KCNU1: variants seen among roughly 807,000 people sequenced by gnomAD.
KCNU1 encodes potassium calcium-activated channel subfamily U member 1.
A neutral mutation model predicts 126.8 loss-of-function variants in KCNU1; 93 were observed. The ratio of observed to expected loss-of-function variants is 0.73; its 90% CI spans 0.62 to 0.87. The LOEUF is 0.87. KCNU1 is among the 40% of genes least tolerant of loss of function. The pLI is 0.00. For missense variants in KCNU1, 1,330 were observed against 1,367.1 expected (o/e 0.97, Z 0.43); for synonymous variants, 523 against 494.2 (o/e 1.06, Z -0.77).
chr8:36,846,530 A>G (rs757258946), intron 18 of KCNU1, among the ~76,000 whole-genome samples: 2 of 152,176 alleles, frequency 1.3e-5, no homozygotes, highest in African/African-American at 2.4e-5. Flanking sequence ...TCAGTCGGGC[A>G]CGGTGGCTCA....
chr8:36,935,930 T>C lies in KCNU1; in HGVS notation c.*10T>C. 2.6e-6 allele frequency: 4 copies of C among 1,541,646 alleles called. No individual in the cohort carries two copies. The highest frequency in any genetic ancestry group is 3.5e-6 in the Non-Finnish European group (4 of 1,145,570). Reference sequence around the variant, plus strand: ...TTCAGAGCCACTATAGACCTGCCCATATTCTTCACGTGCTCTTAACTTGCT... The same window carrying C: ...TTCAGAGCCACTATAGACCTGCCCACATTCTTCACGTGCTCTTAACTTGCT... On this transcript the variant is annotated 3_prime_UTR_variant, in exon 27 of 27. Coordinates refer to ENST00000399881, the MANE Select transcript of KCNU1 (RefSeq NM_001031836.3).
chr8:36,822,193 C>CT (rs1804154081), intron 10 of KCNU1, among the ~76,000 whole-genome samples: 1 of 151,780 alleles, frequency 6.6e-6, no homozygotes, highest in Non-Finnish European at 1.5e-5. Context: ...ATCTTGGAGC[C>CT]TTGAAATATA....
intron 18 of KCNU1, among the ~76,000 whole-genome samples, chr8:36,846,847 C>T (rs1023714546): frequency 6.7e-6 from 1 of 150,214 alleles, no homozygotes; most frequent in African/African-American, 2.4e-5. Flanking sequence ...ATGTGTAAAA[C>T]CCCAGTGTTT....
At chr8:36,843,260 A>G (rs1805021508) in intron 16 of KCNU1, among the ~76,000 whole-genome samples, 1 of 152,204 alleles carries the variant, frequency 6.6e-6, no homozygotes. Flanking sequence ...TACCTAACAC[A>G]CATGTACCTC....
chr8:36,888,909 C>G, intron 19 of KCNU1: 5 of 407,404 alleles, frequency 1.2e-5, no homozygotes, highest in South Asian at 9.9e-5. Flanking sequence ...GATAGGGTCT[C>G]GCTCTGTCAC....
At chr8:36,921,191 T>C (rs969283673) in intron 23 of KCNU1, among the ~76,000 whole-genome samples, 3 of 152,186 alleles carry the variant, frequency 2.0e-5, no homozygotes, top group African/African-American at 7.2e-5. Context: ...GCAGCCACAG[T>C]ATCCTCATTT....
Position 36,808,739 on chromosome 8 carries a change from A to C in KCNU1, c.678A>C (p.Lys226Asn). The change falls in exon 7 of 27, where the codon AAA (lysine) becomes AAC (asparagine). Residue 226 changes from lysine (K) to asparagine (N), a missense_variant. Physicochemically the swap from Lys to Asn is moderately conservative, Grantham distance 94. Transcript: ENST00000399881. ...CTAGTAACTCAGTGAAGTTTTCCAA[A>C]CTGCTGTCAATAATTCTCAGTACCT... Reference protein sequence around the residue: ...IKTSNSVKFSKLLSIILSTWF... With the variant: ...IKTSNSVKFSNLLSIILSTWF... The C allele has an allele frequency of 6.2e-7, 1 of 1,611,230 alleles. No individual in the cohort carries two copies. Among genetic ancestry groups the C allele is most frequent in the South Asian group, 1.1e-5 (1 of 90,450 alleles).
chr8:36,919,314 G>A (rs181826840), intron 23 of KCNU1, among the ~76,000 whole-genome samples: 2 of 151,984 alleles, frequency 1.3e-5, no homozygotes, highest in East Asian at 3.9e-4. Context: ...GGAGAGGCAT[G>A]TGGGGTACAG....
At chr8:36,864,544 G>A (rs1220213270) in intron 19 of KCNU1, 23 bp downstream of exon 19, 3 of 1,367,366 alleles carry the variant, frequency 2.2e-6, no homozygotes, top group Non-Finnish European at 3.1e-6. Context: ...GAGAACCCTG[G>A]TCTCCTATAG....
chr8:36,802,724 T>G (rs1460480915), intron 2 of KCNU1, among the ~76,000 whole-genome samples: 1 of 152,152 alleles, frequency 6.6e-6, no homozygotes, highest in Non-Finnish European at 1.5e-5. Context: ...CTCTTCCCCT[T>G]CCCCTGGCAT....
intron 2 of KCNU1, among the ~76,000 whole-genome samples, chr8:36,791,605 C>A (rs898601687): frequency 1.3e-5 from 2 of 152,112 alleles, no homozygotes; most frequent in Non-Finnish European, 2.9e-5. Flanking sequence ...CAACAGTTTT[C>A]AACCTTAGTA....
Position 36,804,064 on chromosome 8 carries a change from T to A in KCNU1, c.353T>A (p.Ile118Lys). 3.8e-6 allele frequency: 6 copies of A among 1,560,296 alleles called. No homozygotes were observed. The highest frequency in any genetic ancestry group is 5.2e-6 in the Non-Finnish European group (6 of 1,149,570). Residue 118 changes from isoleucine (I) to lysine (K), a missense_variant, in exon 3 of 27, where the codon ATA becomes AAA. By Grantham distance (102) the Ile-to-Lys change is moderately radical. Transcript: ENST00000399881. ...TTTGTACTAAGCATTGGGTCTCTTA[T>A]AATCTATTTCATCAATTCTGCTGAG... ...LVFVLSIGSLIIYFINSADPV... is the reference protein window; with the variant it reads ...LVFVLSIGSLKIYFINSADPV...
intron 16 of KCNU1, 28 bp downstream of exon 16, chr8:36,841,031 G>GTTTTT: frequency 1.6e-6 from 1 of 618,900 alleles, no homozygotes; most frequent in Non-Finnish European, 2.6e-6. Context: ...CATCTCTTCA[G>GTTTTT]TTGTTTTTTT....
rs1482123765 is a variant in KCNU1 at position 36,879,207 on chromosome 8, G to GTATATATATATATATA, written c.2009+14687_2009+14688insATATATATATATATAT. 1.3e-4 allele frequency among the ~76,000 whole-genome samples: 7 copies of GTATATATATATATATA among 53,862 alleles called. No homozygotes were observed. The South Asian group carries it at 2.2e-3, about 17-fold the overall frequency. The allele number at this position is 53,862 out of a possible 152,430, so 35.3% of individuals were successfully genotyped here. ...CATATATGTATGTGTGTGTGTGTGTGTGTGTATATATATATATATATATAT... is the reference window on the plus strand; with the variant it reads ...CATATATGTATGTGTGTGTGTGTGTGTATATATATATATATATGTGTATATATATATATATATATAT... On this transcript the variant is annotated intron_variant, in intron 19 of 26. Transcript: ENST00000399881.
At chr8:36,917,867 T>C (rs1180827557) in intron 22 of KCNU1, among the ~76,000 whole-genome samples, 1 of 151,904 alleles carries the variant, frequency 6.6e-6, no homozygotes, top group Non-Finnish European at 1.5e-5. Context: ...AGCACAGAGG[T>C]CAAGGGCTCT....
rs958938850 is a variant in KCNU1, at chr8:36,936,013, AT to A, written c.*94del. ...GAACAAAGAAAATAAGAATGGAAGC[AT>A]GCCATTTTTCTGCCCATTGCTTAGT... is the stretch of plus-strand genomic sequence containing the variant. On this transcript the variant is annotated 3_prime_UTR_variant, in exon 27 of 27. Transcript: ENST00000399881. The A allele has an allele frequency of 4.0e-6, 5 of 1,246,254 alleles. No homozygotes were observed. The African/African-American group carries it at 6.0e-5, about 15-fold the overall frequency. 77.2% of individuals were successfully genotyped at this position (1,246,254 alleles called of 1,614,324 possible).
chr8:36,934,126 A>C (rs1256360434), intron 26 of KCNU1, among the ~76,000 whole-genome samples: 1 of 152,064 alleles, frequency 6.6e-6, no homozygotes, highest in African/African-American at 2.4e-5. Context: ...TGATTTATTG[A>C]AATGTAACAT....
chr8:36,902,770 A>G (rs1807469394), intron 19 of KCNU1, among the ~76,000 whole-genome samples: 1 of 152,122 alleles, frequency 6.6e-6, no homozygotes. Flanking sequence ...GAGTCCCATT[A>G]ACAAGCTTGG....
chr8:36,811,459 C>G (rs956761958), intron 7 of KCNU1, among the ~76,000 whole-genome samples: 4 of 152,126 alleles, frequency 2.6e-5, no homozygotes, highest in Non-Finnish European at 4.4e-5. Context: ...GAAGATGATA[C>G]AGCAGTGTCC....
Sources: gnomAD v4.1 joint callset for allele counts (sites outside exome capture counted in the v4.1 genomes callset) on GRCh38, gnomAD v4.1.1 for gene constraint, MANE v1.5 for transcripts, NCBI Gene and HGNC (gene_info 2026-07-23, HGNC 2026-07-21) for gene names.